TG: variants seen among roughly 807,000 people sequenced by gnomAD.
The protein encoded by TG is thyroid hormones.
A neutral mutation model predicts 324.7 loss-of-function variants in TG; 270 were observed. That is an observed-to-expected ratio of 0.83 (90% CI 0.75 to 0.92). The LOEUF is 0.92. TG is among the 40% of genes least tolerant of loss of function. TG has a pLI of 0.00. For missense variants in TG, 3,591 were observed against 3,456.4 expected (o/e 1.04, Z -0.98); for synonymous variants, 1,401 against 1,327.0 (o/e 1.06, Z -1.21).
At chr8:132,898,954 G>A (rs752722068) in intron 14 of TG, 44 bp downstream of exon 14, 55 of 1,512,636 alleles carry the variant, frequency 3.6e-5, no homozygotes, top group East Asian at 1.2e-4. Flanking sequence ...ACTTGTCCCC[G>A]CTGGTCAGAG....
chr8:133,116,900 G>T (rs971828914), intron 45 of TG, among the ~76,000 whole-genome samples, 184 bp downstream of exon 45: 6 of 152,070 alleles, frequency 3.9e-5, no homozygotes, highest in Middle Eastern at 6.8e-3. Flanking sequence ...AAAAAAAATG[G>T]TGTGAAAGGC....
rs922066349 is a variant in TG at position 132,913,037 on chromosome 8, T to C, written c.4160-10T>C. 6.2e-7 allele frequency: 1 copy of C among 1,613,892 alleles called. No individual in the cohort carries two copies. The highest frequency in any genetic ancestry group is 8.5e-7 in the Non-Finnish European group (1 of 1,179,862). On this transcript the variant is annotated splice_polypyrimidine_tract_variant and intron_variant, in intron 19 of 47. Transcript: ENST00000220616. The stretch of plus-strand genomic sequence containing the variant: ...TGGGGGTGACCTCTACCTTATCCTG[T>C]GTCTTACAGAGAGAGCCTTGGTGGG...
chr8:133,044,465 C>T (rs1051811762), intron 41 of TG, among the ~76,000 whole-genome samples: 1 of 152,124 alleles, frequency 6.6e-6, no homozygotes, highest in African/African-American at 2.4e-5. Flanking sequence ...CAGCCTAGCA[C>T]ACAATTAACC....
intron 35 of TG, among the ~76,000 whole-genome samples, chr8:133,004,784 G>C (rs1355760872): frequency 2.0e-5 from 3 of 152,138 alleles, no homozygotes; most frequent in Non-Finnish European, 4.4e-5. Flanking sequence ...GCTGTGACCA[G>C]ATGCGGATGT....
intron 45 of TG, among the ~76,000 whole-genome samples, chr8:133,122,253 G>A (rs773522271): frequency 6.1e-4 from 93 of 152,082 alleles, no homozygotes; most frequent in Admixed American, 1.2e-3. Flanking sequence ...ACTTCTATGG[G>A]GAAAGAATAG....
chr8:133,074,739 C>T (rs1017362495), intron 41 of TG: 3 of 505,436 alleles, frequency 5.9e-6, no homozygotes, highest in African/African-American at 2.1e-5. Context: ...CATTGCCCCA[C>T]CTGTTCTCAG....
Position 133,007,270 on chromosome 8 carries a change from C to T in TG, c.6263-4631C>T, listed in dbSNP as rs374597475. 1.4e-4 allele frequency among the ~76,000 whole-genome samples: 21 copies of T among 151,508 alleles called. No individual in the cohort carries two copies. The South Asian group carries it at 1.7e-3, about 12-fold the overall frequency. ...GGAGAAGGGGGAGGAGAGGCGGGGACGGAAGAAAACACAAGAGTTGACTTT... is the reference window on the plus strand; with the variant it reads ...GGAGAAGGGGGAGGAGAGGCGGGGATGGAAGAAAACACAAGAGTTGACTTT... On this transcript the variant is annotated intron_variant, in intron 35 of 47. Coordinates refer to ENST00000220616, the MANE Select transcript of TG (RefSeq NM_003235.5).
At chr8:133,077,038 G>T (rs891675502) in intron 41 of TG, among the ~76,000 whole-genome samples, 1 of 152,170 alleles carries the variant, frequency 6.6e-6, no homozygotes, top group African/African-American at 2.4e-5. Context: ...ACCGAGGGGC[G>T]CAGATGTGCT....
intron 41 of TG, among the ~76,000 whole-genome samples, chr8:133,053,795 A>G (rs1036842917): frequency 6.6e-6 from 1 of 152,340 alleles, no homozygotes; most frequent in East Asian, 1.9e-4. Flanking sequence ...GAGAGTTTCA[A>G]TTTCACAATA....
intron 16 of TG, among the ~76,000 whole-genome samples, chr8:132,902,387 T>A (rs1290142384): frequency 6.6e-6 from 1 of 152,026 alleles, no homozygotes; most frequent in Non-Finnish European, 1.5e-5. Context: ...TGTAAAGAGA[T>A]GGGAGGAGCC....
intron 41 of TG, among the ~76,000 whole-genome samples, chr8:133,033,078 A>C (rs1397258580): frequency 6.6e-6 from 1 of 152,196 alleles, no homozygotes; most frequent in East Asian, 1.9e-4. Flanking sequence ...AAGGTGTAAG[A>C]TAAAGAGCTG....
chr8:132,898,994 G>C, intron 14 of TG, 84 bp downstream of exon 14: 6 of 1,222,814 alleles, frequency 4.9e-6, no homozygotes, highest in Non-Finnish European at 7.1e-6. Flanking sequence ...AATACGTTCA[G>C]CTTAGTTAAA....
intron 43 of TG, chr8:133,102,339 A>C: frequency 2.0e-6 from 1 of 493,386 alleles, no homozygotes; most frequent in Non-Finnish European, 3.7e-6. Flanking sequence ...TTCCCAGGGA[A>C]GTCACGGAGG....
At chr8:132,932,734 T>C (rs1822901775) in intron 23 of TG, among the ~76,000 whole-genome samples, 1 of 152,190 alleles carries the variant, frequency 6.6e-6, no homozygotes, top group Admixed American at 6.5e-5. Flanking sequence ...ATTAAGCGCA[T>C]GGCCTCCTGT....
intron 27 of TG, among the ~76,000 whole-genome samples, chr8:132,949,648 A>T (rs768839792): frequency 6.6e-6 from 1 of 152,124 alleles, no homozygotes; most frequent in Non-Finnish European, 1.5e-5. Flanking sequence ...GGTGCAGGGG[A>T]CCATGGGCTC....
chr8:133,089,658 A>G (rs773373272), intron 41 of TG, among the ~76,000 whole-genome samples: 20 of 152,180 alleles, frequency 1.3e-4, no homozygotes, highest in Non-Finnish European at 2.8e-4. Context: ...CCTGCCATTC[A>G]TTCATTTGTT....
intron 37 of TG, among the ~76,000 whole-genome samples, chr8:133,015,175 G>A (rs1045703317): frequency 6.6e-6 from 1 of 152,200 alleles, no homozygotes; most frequent in African/African-American, 2.4e-5. Flanking sequence ...TTTCACAACA[G>A]TGTGGGCAAT....
intron 24 of TG, 62 bp downstream of exon 24, chr8:132,933,738 A>G: frequency 6.8e-7 from 1 of 1,477,926 alleles, no homozygotes; most frequent in Admixed American, 1.7e-5. Context: ...ATGTGCTCTG[A>G]GGAGCGGGCA....
chr8:132,886,335 G>A, intron 8 of TG, 113 bp from the exon 9 acceptor site: 1 of 1,414,630 alleles, frequency 7.1e-7, no homozygotes. Flanking sequence ...TTCAAACGTA[G>A]GTGTCCTTGA....
Sources: gnomAD v4.1 joint callset for allele counts (sites outside exome capture counted in the v4.1 genomes callset) on GRCh38, gnomAD v4.1.1 for gene constraint, MANE v1.5 for transcripts, NCBI Gene and HGNC (gene_info 2026-07-23, HGNC 2026-07-21) for gene names.